The following PMFBP1 variants were observed in gnomAD, a reference collection of about 807,000 sequenced individuals.
PMFBP1 encodes polyamine modulated factor 1 binding protein 1.
A neutral mutation model predicts 137.8 loss-of-function variants in PMFBP1; 131 were observed. That is an observed-to-expected ratio of 0.95 (90% CI 0.82 to 1.10). The LOEUF (loss-of-function observed/expected upper bound fraction) is 1.10, where lower values mean the gene tolerates loss of function less well. PMFBP1 is among the 50% of genes least tolerant of loss of function. PMFBP1 has a pLI of 0.00. For synonymous variants in PMFBP1, 490 were observed against 450.4 expected (o/e 1.09, Z -1.11); for missense variants, 1,199 against 1,175.4 (o/e 1.02, Z -0.29).
At chr16:72,226,805 T>C in the PMFBP1 span, among the ~76,000 whole-genome samples, 1 of 152,176 alleles carries the variant, frequency 6.6e-6, no homozygotes, top group South Asian at 2.1e-4. Flanking sequence ...CCACAACATG[T>C]CAAGAGAGAC....
the PMFBP1 span, among the ~76,000 whole-genome samples, chr16:72,225,934 GACACAC>G: frequency 9.6e-3 from 1,350 of 140,740 alleles, 9 homozygotes; most frequent in Middle Eastern, 0.018. Flanking sequence ...CACACTCACA[GACACAC>G]ACACACACAC....
chr16:72,155,407 G>C (rs1012407533), intron 3 of PMFBP1, among the ~76,000 whole-genome samples: 7 of 152,172 alleles, frequency 4.6e-5, no homozygotes, highest in Non-Finnish European at 8.8e-5. Context: ...CAGTACCACA[G>C]ACTTTGCTAG....
intron 5 of PMFBP1, 87 bp from the exon 6 acceptor site, chr16:72,140,669 T>A: frequency 3.2e-6 from 4 of 1,248,990 alleles, no homozygotes; most frequent in Admixed American, 2.0e-5. Context: ...TCTCTAGACC[T>A]ATATTCTAAA....
chr16:72,240,216 CAGGAATAAA>C, the PMFBP1 span, among the ~76,000 whole-genome samples: 11 of 152,188 alleles, frequency 7.2e-5, no homozygotes, highest in Non-Finnish European at 1.3e-4. Context: ...CTAGATTCTA[CAGGAATAAA>C]AGGAAATGCT....
At chr16:72,199,523 G>A in the PMFBP1 span, among the ~76,000 whole-genome samples, 2 of 151,908 alleles carry the variant, frequency 1.3e-5, no homozygotes, top group African/African-American at 4.8e-5. Flanking sequence ...GCATGGTGGT[G>A]CACTCCTGGA....
chr16:72,165,077 T>C (rs985371014), intron 2 of PMFBP1, among the ~76,000 whole-genome samples, 161 bp from the exon 3 acceptor site: 6 of 152,208 alleles, frequency 3.9e-5, no homozygotes, highest in Non-Finnish European at 7.3e-5. Flanking sequence ...CAGTTTCCAA[T>C]TGCCAGGTGT....
chr16:72,155,022 T>C (rs1328446705), intron 3 of PMFBP1, among the ~76,000 whole-genome samples: 1 of 152,144 alleles, frequency 6.6e-6, no homozygotes, highest in African/African-American at 2.4e-5. Context: ...TGACTCTGTG[T>C]GCGTGTGTGT....
At chr16:72,226,491 T>C in the PMFBP1 span, among the ~76,000 whole-genome samples, 1 of 152,188 alleles carries the variant, frequency 6.6e-6, no homozygotes, top group African/African-American at 2.4e-5. Flanking sequence ...TCTGCCCCCA[T>C]TTCAATTTCA....
At chr16:72,120,473 T>A (rs1048982631) in intron 19 of PMFBP1, among the ~76,000 whole-genome samples, 2 of 152,222 alleles carry the variant, frequency 1.3e-5, no homozygotes, top group Admixed American at 1.3e-4. Context: ...TCATGTGTCC[T>A]CGGGTTCTCA....
rs573926862 is a variant in PMFBP1 at position 72,143,408 on chromosome 16, A to G, written c.637-2826T>C. 2.0e-5 allele frequency among the ~76,000 whole-genome samples: 3 copies of G among 152,352 alleles called. No individual in the cohort carries two copies. The East Asian group carries it at 5.8e-4, about 29-fold the overall frequency. On this transcript the variant is annotated intron_variant, in intron 5 of 20. Coordinates refer to ENST00000237353, the MANE Select transcript of PMFBP1 (RefSeq NM_031293.3). Reference sequence around the variant, plus strand: ...TGAAAATCTGGTAAGAGAGCTCAGTAAGGTGGCAGGATAAGAGAGAAGTTT... The same window carrying G: ...TGAAAATCTGGTAAGAGAGCTCAGTGAGGTGGCAGGATAAGAGAGAAGTTT...
chr16:72,140,704 A>G (rs2042705883), intron 5 of PMFBP1, 122 bp from the exon 6 acceptor site: 3 of 946,804 alleles, frequency 3.2e-6, no homozygotes, highest in Non-Finnish European at 4.7e-6. Context: ...TATGGAAATC[A>G]TGGTTTCCTT....
the PMFBP1 span, among the ~76,000 whole-genome samples, chr16:72,205,649 A>G: frequency 6.6e-6 from 1 of 152,190 alleles, no homozygotes; most frequent in Non-Finnish European, 1.5e-5. Flanking sequence ...GTGCACATAC[A>G]TGGTCACCTG....
rs1179697928 is a variant in PMFBP1, at chr16:72,132,961, C to G, written c.1234G>C (p.Glu412Gln). 5.0e-6 allele frequency: 8 copies of G among 1,614,180 alleles called. No individual in the cohort carries two copies. The South Asian group carries it at 8.8e-5, about 18-fold the overall frequency. Residue 412 changes from glutamate (E) to glutamine (Q), a missense_variant, in exon 10 of 21, where the codon GAG (glutamate) becomes CAG (glutamine). Glu to Gln is a conservative substitution (Grantham distance 29). Coordinates refer to ENST00000237353, the MANE Select transcript of PMFBP1 (RefSeq NM_031293.3). Reference sequence around the variant, plus strand: ...ACCTGTGTCAGTTTCTTCTCCAGCTCTTGCAGCATCTCATCTTTCTCTTGG... The same window carrying G: ...ACCTGTGTCAGTTTCTTCTCCAGCTGTTGCAGCATCTCATCTTTCTCTTGG... ...FLQEKDEMLQELEKKLTQVQN... is the reference protein window; with the variant it reads ...FLQEKDEMLQQLEKKLTQVQN...
At chr16:72,181,237 CAA>C (rs57619423), upstream of PMFBP1, among the ~76,000 whole-genome samples, 3 of 130,340 alleles carry the variant, frequency 2.3e-5, no homozygotes, top group East Asian at 2.2e-4. Flanking sequence ...GACTTCATCT[CAA>C]AAAAAAAAAA....
At chr16:72,162,753 C>A (rs1229379298) in intron 3 of PMFBP1, among the ~76,000 whole-genome samples, 1 of 152,246 alleles carries the variant, frequency 6.6e-6, no homozygotes, top group Non-Finnish European at 1.5e-5. Context: ...CAATTTAATA[C>A]CTTTCTCCTT....
At chr16:72,181,559 A>T (rs1475043625), upstream of PMFBP1, among the ~76,000 whole-genome samples, 5 of 152,312 alleles carry the variant, frequency 3.3e-5, no homozygotes, top group African/African-American at 1.2e-4. Context: ...TTGTGAGATT[A>T]AAAAATTATT....
In PMFBP1 at chr16:72,129,139, C is replaced by T. The variant is rs755347819; in HGVS notation, c.1877G>A (p.Ser626Asn). ...LEDKREQLKK[S>N]KEHEKLMEGE... is the part of the protein sequence containing the mutation. ...CTCCATCAGCTTCTCATGCTCTTTGCTCTTCTTCAACTGCTCCCGTTTGTC... is the reference window on the plus strand; with the variant it reads ...CTCCATCAGCTTCTCATGCTCTTTGTTCTTCTTCAACTGCTCCCGTTTGTC... The change falls in exon 13 of 21, where the codon AGC (serine) becomes AAC (asparagine). Residue 626 changes from serine (S) to asparagine (N), a missense_variant. Ser to Asn is a conservative substitution (Grantham distance 46). Transcript: ENST00000237353. 1 of 1,614,260 alleles carries T rather than the reference C, an allele frequency of 6.2e-7. No individual in the cohort carries two copies. Among genetic ancestry groups the T allele is most frequent in the South Asian group, 1.1e-5 (1 of 91,090 alleles).
chr16:72,130,143 C>A, intron 12 of PMFBP1, 70 bp downstream of exon 12: 1 of 1,585,128 alleles, frequency 6.3e-7, no homozygotes, highest in Non-Finnish European at 8.6e-7. Flanking sequence ...GTGTGAGCCA[C>A]TGCTCCTAGT....
chr16:72,123,111 GCAT>G, intron 18 of PMFBP1, 123 bp from the exon 19 acceptor site: 1 of 808,552 alleles, frequency 1.2e-6, no homozygotes, highest in Non-Finnish European at 2.0e-6. Flanking sequence ...CGTCCCCCAC[GCAT>G]CACCCCGTCC....
Sources: gnomAD v4.1 joint callset for allele counts (sites outside exome capture counted in the v4.1 genomes callset) on GRCh38, gnomAD v4.1.1 for gene constraint, MANE v1.5 for transcripts, NCBI Gene and HGNC (gene_info 2026-07-23, HGNC 2026-07-21) for gene names.